ANK2: variants seen among roughly 807,000 people sequenced by gnomAD.
ANK2 encodes ankyrin 2, also known as ankyrin-2.
In ANK2, 83 loss-of-function variants were observed where a neutral mutation model predicts 360.5. That is an observed-to-expected ratio of 0.23 (90% CI 0.19 to 0.28). ANK2 has a LOEUF of 0.28. Ranked by LOEUF, ANK2 falls within the 10% of genes least tolerant of loss-of-function variation. The pLI is 1.00. For missense variants in ANK2, 4,201 were observed against 4,795.7 expected, an observed-to-expected ratio of 0.88 and a Z score of 3.66; for synonymous variants, 1,740 against 1,759.5, an observed-to-expected ratio of 0.99 and a Z score of 0.28.
At chr4:113,294,219 G>A (rs973073770) in intron 22 of ANK2, among the ~76,000 whole-genome samples, 7 of 152,180 alleles carry the variant, frequency 4.6e-5, no homozygotes, top group African/African-American at 1.7e-4. Context: ...ACAATATTGA[G>A]TCCTAATGCT....
intron 1 of ANK2, among the ~76,000 whole-genome samples, chr4:113,127,422 A>C (rs1384428329): frequency 6.6e-6 from 1 of 151,746 alleles, no homozygotes; most frequent in East Asian, 1.9e-4. Flanking sequence ...TAGAGTACAG[A>C]GCTAGATTAG....
chr4:113,147,070 A>G (rs901209250), intron 1 of ANK2, among the ~76,000 whole-genome samples: 1 of 152,230 alleles, frequency 6.6e-6, no homozygotes, highest in Non-Finnish European at 1.5e-5. Flanking sequence ...CAACAAAAAC[A>G]ACATGAAGGG....
At chr4:113,331,441 T>C (rs1361379361) in intron 27 of ANK2, among the ~76,000 whole-genome samples, 1 of 152,228 alleles carries the variant, frequency 6.6e-6, no homozygotes, top group African/African-American at 2.4e-5. Flanking sequence ...CCACTTCTCA[T>C]GTCCTCCAGT....
chr4:112,917,999 G>A (rs1335759095), intron 2 of ANK2, among the ~76,000 whole-genome samples: 1 of 152,176 alleles, frequency 6.6e-6, no homozygotes, highest in Non-Finnish European at 1.5e-5. Flanking sequence ...CAGGATTGGA[G>A]TGCTGGAGAT....
At chr4:112,710,991 T>C in the ANK2 span, among the ~76,000 whole-genome samples, 1 of 150,440 alleles carries the variant, frequency 6.6e-6, no homozygotes, top group African/African-American at 2.4e-5. Flanking sequence ...TATTTTACTA[T>C]GTTGTCCAGG....
At chr4:112,792,175 G>C in the ANK2 span, among the ~76,000 whole-genome samples, 10 of 151,694 alleles carry the variant, frequency 6.6e-5, no homozygotes, top group East Asian at 1.2e-3. Context: ...CCGAGTAGCT[G>C]GGATTACAGG....
chr4:112,991,385 C>A (rs564336780), intron 2 of ANK2, among the ~76,000 whole-genome samples: 1 of 152,172 alleles, frequency 6.6e-6, no homozygotes, highest in Admixed American at 6.5e-5. Context: ...TGTGTTAGCT[C>A]AGATTTCCAT....
At chr4:112,859,767 C>G (rs1021965328) in intron 1 of ANK2, among the ~76,000 whole-genome samples, 5 of 152,208 alleles carry the variant, frequency 3.3e-5, no homozygotes, top group African/African-American at 7.2e-5. Context: ...TCTCATGTGG[C>G]TGATTGCAGG....
In ANK2 at chr4:113,173,284, T is replaced by C. The variant is rs181398695; in HGVS notation, c.85-1132T>C. Among the ~76,000 whole-genome samples, 744 of 152,290 alleles carry C rather than the reference T, an allele frequency of 4.9e-3. 23 individuals carry two copies. Among genetic ancestry groups the C allele is most frequent in the Non-Finnish European group, 5.1e-4 (35 of 68,012 alleles). On this transcript the variant is annotated intron_variant, in intron 1 of 45. Coordinates refer to ENST00000357077, the MANE Select transcript of ANK2 (RefSeq NM_001148.6). ...GAGAAGATACTTCCATTTCTATCTC[T>C]GTACATCACCACAGATCATAATAAA...
intron 26 of ANK2, among the ~76,000 whole-genome samples, chr4:113,326,175 G>T (rs1417288926): frequency 6.6e-6 from 1 of 152,110 alleles, no homozygotes; most frequent in Non-Finnish European, 1.5e-5. Flanking sequence ...TTTTTACGTG[G>T]TAGAATACCT....
At chr4:112,782,327 A>G in the ANK2 span, among the ~76,000 whole-genome samples, 1 of 152,136 alleles carries the variant, frequency 6.6e-6, no homozygotes, top group Non-Finnish European at 1.5e-5. Context: ...ACTTTTGTTT[A>G]TATCTCATTA....
intron 1 of ANK2, chr4:112,827,468 G>A: frequency 7.4e-7 from 1 of 1,357,982 alleles, no homozygotes; most frequent in Non-Finnish European, 1.1e-6. Flanking sequence ...CTTGCTTCTG[G>A]GACATCCAGC....
intron 4 of ANK2, among the ~76,000 whole-genome samples, chr4:113,221,894 T>C (rs983217670): frequency 6.6e-6 from 1 of 152,226 alleles, no homozygotes; most frequent in African/African-American, 2.4e-5. Context: ...ATTTTCTTTC[T>C]GTTTGCTGGC....
intron 15 of ANK2, among the ~76,000 whole-genome samples, chr4:113,275,054 G>C (rs2059738340): frequency 6.6e-6 from 1 of 152,180 alleles, no homozygotes; most frequent in African/African-American, 2.4e-5. Flanking sequence ...GTGAGTTATA[G>C]TACCAGATCG....
intron 2 of ANK2, among the ~76,000 whole-genome samples, chr4:112,957,517 A>G (rs1450909827): frequency 2.0e-5 from 3 of 152,082 alleles, no homozygotes; most frequent in Admixed American, 1.3e-4. Context: ...CCCGTTCTCA[A>G]TGAGCTGTTG....
At chr4:113,080,382 G>C (rs1384374734) in intron 1 of ANK2, among the ~76,000 whole-genome samples, 1 of 152,170 alleles carries the variant, frequency 6.6e-6, no homozygotes, top group East Asian at 1.9e-4. Flanking sequence ...GTGACTTATT[G>C]AAGGGGAATT....
At chr4:113,165,778 G>C (rs1470063888) in intron 1 of ANK2, among the ~76,000 whole-genome samples, 2 of 152,252 alleles carry the variant, frequency 1.3e-5, no homozygotes, top group South Asian at 2.1e-4. Flanking sequence ...TCTTAAATCT[G>C]TGTAGCTGAG....
At chr4:112,710,355 G>T in the ANK2 span, among the ~76,000 whole-genome samples, 1 of 152,140 alleles carries the variant, frequency 6.6e-6, no homozygotes, top group Non-Finnish European at 1.5e-5. Context: ...TTTAACTATA[G>T]TATTTACGGT....
chr4:113,160,019 A>G (rs1412973763), intron 1 of ANK2, among the ~76,000 whole-genome samples: 1 of 152,172 alleles, frequency 6.6e-6, no homozygotes, highest in Non-Finnish European at 1.5e-5. Flanking sequence ...TAGTAATGTC[A>G]TAATTGTCAT....
Sources: gnomAD v4.1 joint callset for allele counts (sites outside exome capture counted in the v4.1 genomes callset) on GRCh38, gnomAD v4.1.1 for gene constraint, MANE v1.5 for transcripts, NCBI Gene and HGNC (gene_info 2026-07-23, HGNC 2026-07-21) for gene names.